TAF4B: variants seen among roughly 807,000 people sequenced by gnomAD.
TAF4B encodes TATA-box binding protein associated factor 4b.
In TAF4B, 38 loss-of-function variants were observed where a neutral mutation model predicts 86.4. The observed-to-expected ratio is 0.44, with a 90% CI of 0.34 to 0.58. The LOEUF is 0.58. Among genes scored for constraint, TAF4B ranks in the 20% least tolerant of loss-of-function variants. The probability of loss-of-function intolerance (pLI) is 0.02; values close to 1 mark genes in which losing one functional copy is unlikely to be tolerated. For synonymous variants in TAF4B, 388 were observed against 391.2 expected (o/e 0.99, Z 0.10); for missense variants, 988 against 1,027.6 (o/e 0.96, Z 0.53).
intron 14 of TAF4B, 113 bp from the exon 15 acceptor site, chr18:26,389,732 C>T (rs779272268): frequency 1.7e-5 from 19 of 1,089,570 alleles, no homozygotes; most frequent in Non-Finnish European, 2.4e-5. Flanking sequence ...ACATTATCTC[C>T]AGTACCTAAC....
intron 3 of TAF4B, among the ~76,000 whole-genome samples, chr18:26,271,507 A>G (rs945301523): frequency 1.3e-5 from 2 of 152,184 alleles, no homozygotes; most frequent in African/African-American, 4.8e-5. Context: ...TTTATTTCAC[A>G]TATACTTCAG....
chr18:26,328,577 C>T (rs1260032869), intron 12 of TAF4B, among the ~76,000 whole-genome samples: 1 of 152,096 alleles, frequency 6.6e-6, no homozygotes, highest in African/African-American at 2.4e-5. Context: ...CAGATCCCCC[C>T]AATTTTAACA....
At position 26,275,003 on chromosome 18, in the gene TAF4B, C is replaced by T. The variant is rs1349507001; in HGVS notation, c.832C>T (p.Gln278Ter). 1 of 1,612,304 alleles carries T rather than the reference C, an allele frequency of 6.2e-7. No individual in the cohort carries two copies. Residue 278 changes from glutamine (Q) to a stop codon, truncating the protein, a stop_gained, in exon 5 of 15, where the codon CAG (glutamine) becomes TAG (stop). Transcript: ENST00000269142. LOFTEE classifies it high-confidence loss of function. Reference protein sequence around the residue: ...MLIKLACSGSQSPEMGQNVKK... With the variant: ...MLIKLACSGS ...AATAAAACTAGCATGTAGTGGATCA[C>T]AGTCCCCAGAAATGGGGCAAAATGT...
chr18:26,364,944 A>G (rs1461479726), intron 14 of TAF4B, among the ~76,000 whole-genome samples: 6 of 150,858 alleles, frequency 4.0e-5, no homozygotes, highest in Non-Finnish European at 5.9e-5. Flanking sequence ...TGCAATATGT[A>G]TTAGTATATG....
At chr18:26,270,462 T>A (rs1269641833) in intron 3 of TAF4B, among the ~76,000 whole-genome samples, 1 of 152,210 alleles carries the variant, frequency 6.6e-6, no homozygotes, top group Non-Finnish European at 1.5e-5. Flanking sequence ...CTAATTATAT[T>A]TGTAGTTTTT....
At chr18:26,365,886 C>A (rs2057368229) in intron 14 of TAF4B, among the ~76,000 whole-genome samples, 1 of 152,108 alleles carries the variant, frequency 6.6e-6, no homozygotes, top group Non-Finnish European at 1.5e-5. Context: ...ACCTCCCAGG[C>A]TCATGCCATC....
chr18:26,364,906 T>C (rs2057360584), intron 14 of TAF4B, among the ~76,000 whole-genome samples: 1 of 148,918 alleles, frequency 6.7e-6, no homozygotes, highest in African/African-American at 2.6e-5. Context: ...TTAGTTAAAA[T>C]AGAATTTGCT....
chr18:26,274,112 G>A (rs560791566), intron 3 of TAF4B, among the ~76,000 whole-genome samples: 2 of 152,248 alleles, frequency 1.3e-5, no homozygotes, highest in East Asian at 1.9e-4. Flanking sequence ...AGAAGGTAGA[G>A]AAACAACTGA....
At chr18:26,285,423 A>G (rs537557988) in intron 6 of TAF4B, among the ~76,000 whole-genome samples, 1 of 151,584 alleles carries the variant, frequency 6.6e-6, no homozygotes, top group African/African-American at 2.4e-5. Flanking sequence ...CCTGGCCTCA[A>G]GTGATTGCTT....
At chr18:26,262,914 G>A (rs2056189299) in intron 1 of TAF4B, among the ~76,000 whole-genome samples, 1 of 151,980 alleles carries the variant, frequency 6.6e-6, no homozygotes, top group Non-Finnish European at 1.5e-5. Context: ...GAATATTTTT[G>A]TCTGTGCCTC....
intron 14 of TAF4B, among the ~76,000 whole-genome samples, chr18:26,376,393 C>G (rs1370313059): frequency 1.3e-5 from 2 of 152,036 alleles, no homozygotes; most frequent in African/African-American, 4.8e-5. Flanking sequence ...TCTTGTACCA[C>G]TAGTTAAATT....
At chr18:26,243,605 G>C (rs976235739) in intron 1 of TAF4B, among the ~76,000 whole-genome samples, 1 of 152,160 alleles carries the variant, frequency 6.6e-6, no homozygotes, top group Admixed American at 6.5e-5. Flanking sequence ...GTCATTCTCC[G>C]TCCAGCTTCG....
At chr18:26,286,563 G>C in intron 7 of TAF4B, 64 bp downstream of exon 7, 1 of 1,513,282 alleles carries the variant, frequency 6.6e-7, no homozygotes, top group South Asian at 1.3e-5. Flanking sequence ...TCAGAAAACT[G>C]GTAAGACTAG....
At chr18:26,292,667 C>T (rs748708499) in intron 8 of TAF4B, among the ~76,000 whole-genome samples, 58 of 152,062 alleles carry the variant, frequency 3.8e-4, no homozygotes, top group Non-Finnish European at 7.1e-4. Context: ...GGATTACAGG[C>T]GTGCACCACC....
In TAF4B at chr18:26,357,729, G is replaced by A. The variant is rs1307383133; in HGVS notation, c.2356G>A (p.Ala786Thr). 7 of 1,612,938 alleles carry A rather than the reference G, an allele frequency of 4.3e-6. No homozygotes were observed. The African/African-American group carries it at 5.3e-5, about 12-fold the overall frequency. ...ACTTGCACAGATACAGCATAGAGAC[G>A]CTAATCTCACAGCTCTTGCAGCTAT... ...LELAQIQHRD[A>T]NLTALAAIGP... is the part of the protein sequence containing the mutation. Residue 786 changes from alanine (A) to threonine (T), a missense_variant, in exon 14 of 15, where the codon GCT (alanine) becomes ACT (threonine). Physicochemically the swap from Ala to Thr is moderately conservative, Grantham distance 58. Coordinates refer to ENST00000269142, the MANE Select transcript of TAF4B (RefSeq NM_005640.3).
At chr18:26,318,199 A>G (rs1194493152) in intron 10 of TAF4B, among the ~76,000 whole-genome samples, 1 of 151,964 alleles carries the variant, frequency 6.6e-6, no homozygotes, top group Non-Finnish European at 1.5e-5. Context: ...AAATCTGGCT[A>G]ATTTTTGTAT....
At chr18:26,276,190 A>T (rs1598748768) in intron 5 of TAF4B, among the ~76,000 whole-genome samples, 1 of 152,112 alleles carries the variant, frequency 6.6e-6, no homozygotes, top group East Asian at 1.9e-4. Flanking sequence ...TAAGATTCTC[A>T]TCTTGCAGAT....
intron 11 of TAF4B, among the ~76,000 whole-genome samples, chr18:26,325,817 AT>A (rs1271002059): frequency 1.2e-4 from 18 of 152,192 alleles, no homozygotes; most frequent in Admixed American, 3.3e-4. Flanking sequence ...ACAGTTGAGA[AT>A]TCTTTTTGTA....
At chr18:26,239,980 GGTTACTATAGCCTT>G (rs2055812385) in intron 1 of TAF4B, among the ~76,000 whole-genome samples, 1 of 152,182 alleles carries the variant, frequency 6.6e-6, no homozygotes, top group Non-Finnish European at 1.5e-5. Context: ...ATGCTGTTTT[GGTTACTATAGCCTT>G]GTAGTATAGT....
Sources: allele counts gnomAD v4.1 joint callset (sites outside exome capture counted in the v4.1 genomes callset), GRCh38; gene constraint gnomAD v4.1.1; transcripts MANE v1.5; gene names NCBI Gene and HGNC (gene_info 2026-07-23, HGNC 2026-07-21).